Variants in MYO1E observed in about 807,000 individuals in gnomAD.
MYO1E encodes the protein unconventional myosin-Ie.
Under a neutral mutation model 151.1 loss-of-function variants are expected in MYO1E, and 68 were observed. The observed-to-expected ratio is 0.45, with a 90% CI of 0.37 to 0.55. MYO1E has a LOEUF of 0.55. Ranked by LOEUF, MYO1E falls within the 20% of genes least tolerant of loss-of-function variation. The probability of loss-of-function intolerance (pLI) is 0.00; values close to 1 mark genes in which losing one functional copy is unlikely to be tolerated. For synonymous variants in MYO1E, 601 were observed against 501.7 expected, an observed-to-expected ratio of 1.20 and a Z score of -2.64; for missense variants, 1,363 against 1,389.3, an observed-to-expected ratio of 0.98 and a Z score of 0.30.
intron 1 of MYO1E, among the ~76,000 whole-genome samples, chr15:59,296,586 GTC>G (rs1357821165): frequency 2.0e-5 from 3 of 152,134 alleles, no homozygotes; most frequent in African/African-American, 4.8e-5. Flanking sequence ...GCTGGTAGGT[GTC>G]TCTCTGCAGG....
At chr15:59,318,501 T>C (rs998733884) in intron 1 of MYO1E, among the ~76,000 whole-genome samples, 2 of 152,134 alleles carry the variant, frequency 1.3e-5, no homozygotes, top group South Asian at 2.1e-4. Context: ...ACTTGATAAC[T>C]GATCAGACAT....
intron 26 of MYO1E, among the ~76,000 whole-genome samples, chr15:59,145,317 CTT>C (rs1333605559): frequency 6.6e-6 from 1 of 152,218 alleles, no homozygotes; most frequent in Non-Finnish European, 1.5e-5. Context: ...CTTAGTCCAG[CTT>C]GCGAGAGCTG....
At chr15:59,306,125 AGTTTTTCTAT>A (rs1426978558) in intron 1 of MYO1E, among the ~76,000 whole-genome samples, 11 of 152,232 alleles carry the variant, frequency 7.2e-5, no homozygotes, top group African/African-American at 2.7e-4. Flanking sequence ...CAACCCCAGA[AGTTTTTCTAT>A]GGCACCAGGT....
At chr15:59,164,952 T>C (rs1382952566) in intron 22 of MYO1E, among the ~76,000 whole-genome samples, 5 of 152,152 alleles carry the variant, frequency 3.3e-5, no homozygotes, top group African/African-American at 1.2e-4. Context: ...TTAGTGACCT[T>C]ACAGAAGAGG....
At chr15:59,206,627 T>TA (rs1396136739) in intron 14 of MYO1E, 2 of 332,444 alleles carry the variant, frequency 6.0e-6, no homozygotes, top group African/African-American at 4.2e-5. Flanking sequence ...ATATTAAAAA[T>TA]AAAAAACTAG....
At chr15:59,154,143 C>T (rs2079497322) in intron 25 of MYO1E, among the ~76,000 whole-genome samples, 1 of 152,158 alleles carries the variant, frequency 6.6e-6, no homozygotes, top group Non-Finnish European at 1.5e-5. Flanking sequence ...GGGTTCAAAG[C>T]CCACAGTAAG....
At chr15:59,363,415 C>A (rs2080896711) in intron 1 of MYO1E, among the ~76,000 whole-genome samples, 1 of 152,168 alleles carries the variant, frequency 6.6e-6, no homozygotes, top group Non-Finnish European at 1.5e-5. Flanking sequence ...TAAATTATCC[C>A]CTCTGGTATT....
intron 4 of MYO1E, among the ~76,000 whole-genome samples, chr15:59,251,318 A>C (rs75857870): frequency 0.01 from 1,574 of 152,300 alleles, 33 homozygotes; most frequent in African/African-American, 0.036. Flanking sequence ...AGGAAGAAGC[A>C]ATTAGACAAA....
intron 1 of MYO1E, among the ~76,000 whole-genome samples, chr15:59,318,345 GA>G (rs1392121714): frequency 4.6e-5 from 7 of 152,142 alleles, no homozygotes; most frequent in Non-Finnish European, 1.0e-4. Flanking sequence ...GTATGCAATA[GA>G]ATTGAGCCCA....
At chr15:59,275,342 G>A (rs867522454) in intron 1 of MYO1E, among the ~76,000 whole-genome samples, 6 of 151,988 alleles carry the variant, frequency 3.9e-5, no homozygotes, top group African/African-American at 1.2e-4. Flanking sequence ...GATTTGATAC[G>A]TTTTTTATAT....
Position 59,214,717 on chromosome 15 carries a change from T to G in MYO1E, c.1111A>C (p.Ile371Leu), listed in dbSNP as rs562545489. The G allele has an allele frequency of 6.2e-7, 1 of 1,612,014 alleles. No homozygotes were observed. ...ARVFDFLVDSINKAMEKDHEE... is the reference protein window; with the variant it reads ...ARVFDFLVDSLNKAMEKDHEE... ...TGGTCTTTCTCCATGGCTTTATTGA[T>G]GGACTAGAGAAAGTAAACAGCATGG... The change falls in exon 11 of 28, where the codon ATC becomes CTC. Residue 371 changes from isoleucine to leucine, a missense_variant. Transcript: ENST00000288235.
chr15:59,349,237 A>T (rs370104338), intron 1 of MYO1E, among the ~76,000 whole-genome samples: 1 of 152,170 alleles, frequency 6.6e-6, no homozygotes, highest in South Asian at 2.1e-4. Context: ...TCCCATATAA[A>T]CATCTTAGGT....
intron 4 of MYO1E, among the ~76,000 whole-genome samples, chr15:59,247,400 A>G (rs1482584214): frequency 1.3e-5 from 2 of 152,234 alleles, no homozygotes; most frequent in Non-Finnish European, 2.9e-5. Context: ...AAGAAAGTGC[A>G]TAAGGTTTGA....
chr15:59,289,122 G>C (rs1173205982), intron 1 of MYO1E, among the ~76,000 whole-genome samples: 1 of 152,164 alleles, frequency 6.6e-6, no homozygotes, highest in East Asian at 1.9e-4. Flanking sequence ...TGTCCACGGG[G>C]CCATCCTGGA....
At chr15:59,252,189 G>A (rs1451566964) in intron 4 of MYO1E, among the ~76,000 whole-genome samples, 3 of 152,028 alleles carry the variant, frequency 2.0e-5, no homozygotes, top group African/African-American at 4.8e-5. Context: ...ATATTCCCTA[G>A]CTTTGTACTT....
chr15:59,257,573 G>A (rs1397557465), intron 3 of MYO1E, among the ~76,000 whole-genome samples: 11 of 151,940 alleles, frequency 7.2e-5, no homozygotes, highest in Non-Finnish European at 1.5e-4. Flanking sequence ...ATTGTGCAGT[G>A]ACTTACTGTA....
intron 18 of MYO1E, among the ~76,000 whole-genome samples, chr15:59,184,454 G>A (rs1054987992): frequency 3.3e-5 from 5 of 152,042 alleles, no homozygotes; most frequent in African/African-American, 9.7e-5. Context: ...TCTGCCTCCC[G>A]AGTTCAAGCA....
intron 1 of MYO1E, among the ~76,000 whole-genome samples, chr15:59,311,471 G>A (rs377216702): frequency 2.6e-4 from 39 of 152,178 alleles, no homozygotes; most frequent in African/African-American, 8.9e-4. Context: ...AACAGGCCAC[G>A]GACCGTATTG....
rs11295137 is a variant in MYO1E at position 59,346,924 on chromosome 15, G to GA, written c.3+25573dup. On this transcript the variant is annotated intron_variant, in intron 1 of 27. Coordinates refer to ENST00000288235, the MANE Select transcript of MYO1E (RefSeq NM_004998.4). ...AGAGCGAGACCTTGTCTCCCAAAAA[G>GA]AAAAAAAAAAAAAAGTGAAAGAATT... 6.6e-3 allele frequency among the ~76,000 whole-genome samples: 865 copies of GA among 131,158 alleles called. 2 individuals are homozygous for GA. The highest frequency in any genetic ancestry group is 9.3e-3 in the Admixed American group (122 of 13,180). 86.0% of individuals were successfully genotyped at this position (131,158 alleles called of 152,430 possible).
Sources: allele counts gnomAD v4.1 joint callset (sites outside exome capture counted in the v4.1 genomes callset), GRCh38; gene constraint gnomAD v4.1.1; transcripts MANE v1.5; gene names NCBI Gene and HGNC (gene_info 2026-07-23, HGNC 2026-07-21).